The following FSTL5 variants were observed in gnomAD, a reference collection of about 807,000 sequenced individuals.
FSTL5 encodes the protein follistatin-related protein 5.
Under a neutral mutation model 89.1 loss-of-function variants are expected in FSTL5, and 62 were observed. The ratio of observed to expected loss-of-function variants is 0.70; its 90% CI spans 0.57 to 0.86. The LOEUF is 0.86. Among genes scored for constraint, FSTL5 ranks in the 40% least tolerant of loss-of-function variants. The pLI is 0.00. For synonymous variants in FSTL5, 383 were observed against 346.2 expected (o/e 1.11, Z -1.18); for missense variants, 1,057 against 1,001.6 (o/e 1.06, Z -0.75).
chr4:161,762,606 A>G (rs1228403992), intron 5 of FSTL5, among the ~76,000 whole-genome samples: 3 of 152,188 alleles, frequency 2.0e-5, no homozygotes, highest in Non-Finnish European at 4.4e-5. Flanking sequence ...CTCTTATAAA[A>G]TGATATAAAA....
At chr4:161,615,068 G>A (rs973567434) in intron 7 of FSTL5, among the ~76,000 whole-genome samples, 3 of 152,012 alleles carry the variant, frequency 2.0e-5, no homozygotes, top group African/African-American at 4.8e-5. Context: ...GCCAAAGCAG[G>A]CGCATCACAA....
At chr4:161,846,379 T>A (rs1731369850) in intron 4 of FSTL5, among the ~76,000 whole-genome samples, 1 of 152,092 alleles carries the variant, frequency 6.6e-6, no homozygotes, top group South Asian at 2.1e-4. Flanking sequence ...ATTAATAAAA[T>A]AATAGACAAT....
intron 15 of FSTL5, among the ~76,000 whole-genome samples, chr4:161,449,854 T>C (rs1418378796): frequency 2.6e-5 from 4 of 152,216 alleles, no homozygotes; most frequent in Non-Finnish European, 5.9e-5. Flanking sequence ...AGCTGTTCCC[T>C]TGCAATCTAG....
At chr4:162,112,275 G>A (rs1731474414) in intron 1 of FSTL5, among the ~76,000 whole-genome samples, 1 of 152,126 alleles carries the variant, frequency 6.6e-6, no homozygotes, top group African/African-American at 2.4e-5. Context: ...GCTCTATGCT[G>A]TATTTTGGGT....
intron 10 of FSTL5, among the ~76,000 whole-genome samples, chr4:161,513,199 G>T (rs1000150825): frequency 6.6e-6 from 1 of 150,504 alleles, no homozygotes; most frequent in Non-Finnish European, 1.5e-5. Flanking sequence ...TAACCATGTG[G>T]TCCCAAAGAG....
chr4:161,964,955 T>A (rs906114912), intron 3 of FSTL5, among the ~76,000 whole-genome samples: 4 of 152,054 alleles, frequency 2.6e-5, no homozygotes, highest in Non-Finnish European at 4.4e-5. Context: ...TCCATTACTT[T>A]ACTTTATTCT....
intron 2 of FSTL5, among the ~76,000 whole-genome samples, chr4:162,105,844 T>G (rs1731205262): frequency 6.6e-6 from 1 of 152,202 alleles, no homozygotes; most frequent in African/African-American, 2.4e-5. Flanking sequence ...TTAAAGGACC[T>G]TTCTTGAATA....
intron 7 of FSTL5, among the ~76,000 whole-genome samples, chr4:161,654,039 C>T (rs796107070): frequency 1.6e-4 from 25 of 151,962 alleles, no homozygotes; most frequent in African/African-American, 6.0e-4. Flanking sequence ...TAATTTTATC[C>T]AATAAAGTGT....
intron 6 of FSTL5, among the ~76,000 whole-genome samples, chr4:161,721,798 C>T (rs192157188): frequency 2.8e-4 from 43 of 152,312 alleles, no homozygotes; most frequent in African/African-American, 1.0e-3. Flanking sequence ...AATAAAACTA[C>T]TTTACTTAAT....
chr4:162,103,390 G>T (rs1731079308), intron 2 of FSTL5, among the ~76,000 whole-genome samples: 1 of 152,176 alleles, frequency 6.6e-6, no homozygotes, highest in South Asian at 2.1e-4. Flanking sequence ...ACAGCATTTA[G>T]CTTTGGCCTT....
At chr4:161,669,811 C>A (rs1737033533) in intron 6 of FSTL5, among the ~76,000 whole-genome samples, 1 of 151,862 alleles carries the variant, frequency 6.6e-6, no homozygotes, top group South Asian at 2.1e-4. Flanking sequence ...AAAACCAAGA[C>A]CATTTATAAA....
chr4:161,590,993 T>TAGTC lies in FSTL5; in HGVS notation c.895-3422_895-3419dup, dbSNP rs534644958. Among the ~76,000 whole-genome samples the TAGTC allele has an allele frequency of 2.5e-3, 380 of 152,340 alleles. 2 individuals are homozygous for TAGTC. The highest frequency in any genetic ancestry group is 3.9e-3 in the Non-Finnish European group (267 of 68,032). On this transcript the variant is annotated intron_variant, in intron 7 of 15. Transcript: ENST00000306100. The stretch of plus-strand genomic sequence containing the variant: ...TGCAAATGTGCATAGCTATATTTAT[T>TAGTC]AGTCATAAAAGGCAAAAAGTGAAAA...
chr4:161,409,456 A>C (rs1954450845), intron 15 of FSTL5, among the ~76,000 whole-genome samples: 1 of 151,904 alleles, frequency 6.6e-6, no homozygotes, highest in Non-Finnish European at 1.5e-5. Context: ...ATCTTGGCCC[A>C]CTACAACCTC....
chr4:162,150,901 A>T (rs1733200646), intron 1 of FSTL5, among the ~76,000 whole-genome samples: 1 of 152,210 alleles, frequency 6.6e-6, no homozygotes, highest in Non-Finnish European at 1.5e-5. Context: ...CTGCATGCCA[A>T]ATAATAGCAA....
rs955946761 is a variant in FSTL5 at position 161,783,612 on chromosome 4, TTC to T, written c.410-7540_410-7539del. Reference sequence around the variant, plus strand: ...GCTTTCCTTGCCTTTCTTTCTTTCTTTCTCTTTTTCTTTCTCTTTCTTTTCTT... The same window carrying T: ...GCTTTCCTTGCCTTTCTTTCTTTCTTTCTTTTTCTTTCTCTTTCTTTTCTT... On this transcript the variant is annotated intron_variant, in intron 4 of 15. Coordinates refer to ENST00000306100, the MANE Select transcript of FSTL5 (RefSeq NM_020116.5). Among the ~76,000 whole-genome samples, 13 of 103,330 alleles carry T rather than the reference TTC, an allele frequency of 1.3e-4. 1 individual carries two copies. The highest frequency in any genetic ancestry group is 3.4e-4 in the African/African-American group (10 of 29,064). 67.8% of individuals were successfully genotyped at this position (103,330 alleles called of 152,430 possible). A position where few individuals can be genotyped will look rare whatever the true frequency, so the allele number is the denominator to read the frequency against.
At position 161,567,230 on chromosome 4, in the gene FSTL5, G is replaced by T. The variant is rs1335033792; in HGVS notation, c.1015+20225C>A. Among the ~76,000 whole-genome samples, 9 of 151,886 alleles carry T rather than the reference G, an allele frequency of 5.9e-5. No homozygotes were observed. The South Asian group carries it at 1.2e-3, about 21-fold the overall frequency. ...CAATAAAGATCTGAGAAAGCATCTA[G>T]CAGTAAAACAACACAGAGAAAGAGA... On this transcript the variant is annotated intron_variant, in intron 8 of 15. Transcript: ENST00000306100.
intron 7 of FSTL5, among the ~76,000 whole-genome samples, chr4:161,639,806 T>C (rs143205688): frequency 0.014 from 2,147 of 152,200 alleles, 43 homozygotes; most frequent in African/African-American, 0.047. Context: ...ATTGAAATAT[T>C]GGGGATTTGT....
chr4:161,860,658 GT>G lies in FSTL5; in HGVS notation c.409+59745del, dbSNP rs556039056. Among the ~76,000 whole-genome samples the G allele has an allele frequency of 3.4e-4, 52 of 152,276 alleles. No homozygotes were observed. The South Asian group carries it at 0.011, about 31-fold the overall frequency. ...AAAAATTAATCTAACCATTTCCCTAGTTTTTTACATTTATATTCTATTTGGT... is the reference window on the plus strand; with the variant it reads ...AAAAATTAATCTAACCATTTCCCTAGTTTTTACATTTATATTCTATTTGGT... On this transcript the variant is annotated intron_variant, in intron 4 of 15. Coordinates refer to ENST00000306100, the MANE Select transcript of FSTL5 (RefSeq NM_020116.5).
intron 15 of FSTL5, among the ~76,000 whole-genome samples, chr4:161,446,951 GA>G (rs1248913114): frequency 1.3e-5 from 2 of 151,432 alleles, no homozygotes; most frequent in African/African-American, 2.4e-5. Context: ...ATGTAAGACA[GA>G]AAAAAAAGTA....
Sources: gnomAD v4.1 joint callset for allele counts (sites outside exome capture counted in the v4.1 genomes callset) on GRCh38, gnomAD v4.1.1 for gene constraint, MANE v1.5 for transcripts, NCBI Gene and HGNC (gene_info 2026-07-23, HGNC 2026-07-21) for gene names.